ARHGAP25: variants seen among roughly 807,000 people sequenced by gnomAD.
ARHGAP25 encodes rho GTPase-activating protein 25.
A neutral mutation model predicts 71.0 loss-of-function variants in ARHGAP25; 34 were observed. That is an observed-to-expected ratio of 0.48 (90% confidence interval 0.36 to 0.64). ARHGAP25 has a LOEUF of 0.64. Among genes scored for constraint, ARHGAP25 ranks in the 30% least tolerant of loss-of-function variants. The probability of loss-of-function intolerance (pLI) is 0.00; values close to 1 mark genes in which losing one functional copy is unlikely to be tolerated. For missense variants in ARHGAP25, 706 were observed against 805.1 expected (o/e 0.88, Z 1.49); for synonymous variants, 282 against 296.5 (o/e 0.95, Z 0.50).
At chr2:68,748,770 T>C (rs4854507) in intron 1 of ARHGAP25, among the ~76,000 whole-genome samples, 108,512 of 152,098 alleles carry the variant, frequency 0.71, 38,863 homozygotes, top group South Asian at 0.77. Flanking sequence ...TGACTGAGCA[T>C]TTAGCTATCC....
At chr2:68,738,315 C>G (rs1675323538) in intron 1 of ARHGAP25, among the ~76,000 whole-genome samples, 1 of 152,120 alleles carries the variant, frequency 6.6e-6, no homozygotes, top group African/African-American at 2.4e-5. Context: ...ACATGGCTTC[C>G]CAATGACCAG....
Position 68,811,171 on chromosome 2 carries a change from G to A in ARHGAP25, c.675-2116G>A, listed in dbSNP as rs1333821709. ...AGAGTGGGCAGAGTATAGAATGCTG[G>A]AGGCATAGGGTAGTGAAAGGAGGGG... On this transcript the variant is annotated intron_variant, in intron 5 of 10. Coordinates refer to ENST00000409202, the MANE Select transcript of ARHGAP25 (RefSeq NM_001007231.3). 8.5e-5 allele frequency among the ~76,000 whole-genome samples: 13 copies of A among 152,170 alleles called. 1 individual carries two copies. The highest frequency in any genetic ancestry group is 8.5e-4 in the Admixed American group (13 of 15,286).
intron 1 of ARHGAP25, among the ~76,000 whole-genome samples, chr2:68,765,360 TAA>T (rs71397305): frequency 1.4e-5 from 2 of 145,184 alleles, no homozygotes; most frequent in Non-Finnish European, 3.0e-5. Flanking sequence ...AGTTGACATG[TAA>T]AAAAAAAAAA....
chr2:68,820,015 A>G (rs2103707802), intron 9 of ARHGAP25, among the ~76,000 whole-genome samples: 1 of 152,328 alleles, frequency 6.6e-6, no homozygotes, highest in African/African-American at 2.4e-5. Flanking sequence ...TTTCTAGTTG[A>G]CCAGATGATT....
At position 68,819,152 on chromosome 2, in the gene ARHGAP25, A is replaced by G. The variant is rs78992846; in HGVS notation, c.1033A>G (p.Met345Val). The G allele has an allele frequency of 6.3e-6, 10 of 1,584,514 alleles. No individual in the cohort carries two copies. Among genetic ancestry groups the G allele is most frequent in the East Asian group, 2.2e-5 (1 of 44,576 alleles). ...TCCTCAGATCCAAAGAGTGATGACTATGATGATCAGAGACCATGAAGTCCT... is the reference window on the plus strand; with the variant it reads ...TCCTCAGATCCAAAGAGTGATGACTGTGATGATCAGAGACCATGAAGTCCT... Reference protein sequence around the residue: ...GTPQIQRVMTMMIRDHEVLFP... With the variant: ...GTPQIQRVMTVMIRDHEVLFP... The change falls in exon 9 of 11, where the codon ATG becomes GTG. Residue 345 changes from methionine to valine, a missense_variant. Met to Val is a conservative substitution (Grantham distance 21). Coordinates refer to ENST00000409202, the MANE Select transcript of ARHGAP25 (RefSeq NM_001007231.3).
At chr2:68,760,239 C>T (rs1343112582) in intron 1 of ARHGAP25, among the ~76,000 whole-genome samples, 2 of 151,950 alleles carry the variant, frequency 1.3e-5, no homozygotes, top group African/African-American at 4.8e-5. Flanking sequence ...TCATACTCAA[C>T]GTTGAAAGAC....
At chr2:68,732,425 A>G (rs1325778467), upstream of ARHGAP25, among the ~76,000 whole-genome samples, 2 of 152,188 alleles carry the variant, frequency 1.3e-5, no homozygotes, top group East Asian at 3.8e-4. Context: ...CCCCGTGGAG[A>G]TGCTGCTGGG....
At chr2:68,739,026 T>C (rs1009655163) in intron 1 of ARHGAP25, among the ~76,000 whole-genome samples, 2 of 152,188 alleles carry the variant, frequency 1.3e-5, no homozygotes, top group African/African-American at 4.8e-5. Flanking sequence ...AAGTGCATGC[T>C]TCCTGTTGCC....
In ARHGAP25 at chr2:68,807,381, G is replaced by A. The variant is rs867848249; in HGVS notation, c.575G>A (p.Gly192Asp). 6.2e-7 allele frequency: 1 copy of A among 1,614,224 alleles called. No individual in the cohort carries two copies. The highest frequency in any genetic ancestry group is 8.5e-7 in the Non-Finnish European group (1 of 1,180,040). Residue 192 changes from glycine to aspartate, a missense_variant, in exon 5 of 11, where the codon GGC (glycine) becomes GAC (aspartate). Physicochemically the swap from Gly to Asp is moderately conservative, Grantham distance 94. Coordinates refer to ENST00000409202, the MANE Select transcript of ARHGAP25 (RefSeq NM_001007231.3). ...EKCAEFILEH[G>D]RNEEGIFRLP... is the part of the protein sequence containing the mutation. ...TGTGCAGAGTTCATCCTGGAGCACG[G>A]CCGGAATGAAGAGGGCATCTTCCGT...
At position 68,819,393 on chromosome 2, in the gene ARHGAP25, C is replaced by G. The variant is rs1397032734; in HGVS notation, c.1200+74C>G. 5 of 1,533,344 alleles carry G rather than the reference C, an allele frequency of 3.3e-6. No homozygotes were observed. The East Asian group carries it at 9.0e-5, about 28-fold the overall frequency. The allele number at this position is 1,533,344 out of a possible 1,614,324, so 95.0% of individuals were successfully genotyped here. On this transcript the variant is annotated intron_variant, in intron 9 of 10. Coordinates refer to ENST00000409202, the MANE Select transcript of ARHGAP25 (RefSeq NM_001007231.3). ...CAGGCCATCCCATGTAAGGCCTGCT[C>G]TCGGGTGGCAATTTGGGGAGTTTTA...
At chr2:68,744,958 A>G (rs1392516428) in intron 1 of ARHGAP25, among the ~76,000 whole-genome samples, 1 of 152,220 alleles carries the variant, frequency 6.6e-6, no homozygotes, top group East Asian at 1.9e-4. Flanking sequence ...CTTCACAGAT[A>G]AAAAATAAGA....
intron 2 of ARHGAP25, among the ~76,000 whole-genome samples, chr2:68,725,754 C>A (rs1482526374): frequency 1.3e-5 from 2 of 152,182 alleles, no homozygotes; most frequent in African/African-American, 4.8e-5. Flanking sequence ...CCTTGTTGAC[C>A]CATCTCTTGT....
At chr2:68,746,709 C>A (rs1039878644) in intron 1 of ARHGAP25, among the ~76,000 whole-genome samples, 4 of 145,852 alleles carry the variant, frequency 2.7e-5, no homozygotes, top group Non-Finnish European at 4.5e-5. Context: ...GACCACCCCC[C>A]TCCCCATCCC....
chr2:68,716,349 G>C (rs537337496), intron 2 of ARHGAP25, among the ~76,000 whole-genome samples: 1 of 152,346 alleles, frequency 6.6e-6, no homozygotes, highest in Non-Finnish European at 1.5e-5. Flanking sequence ...TGCCCAGCAA[G>C]ATTCCCTCTG....
At chr2:68,774,483 T>C (rs999560878) in intron 1 of ARHGAP25, among the ~76,000 whole-genome samples, 4 of 152,374 alleles carry the variant, frequency 2.6e-5, no homozygotes, top group South Asian at 2.1e-4. Flanking sequence ...TGAGTTCTAT[T>C]GGCAGTGACG....
chr2:68,813,022 A>T (rs957629463), intron 5 of ARHGAP25, among the ~76,000 whole-genome samples: 23 of 152,308 alleles, frequency 1.5e-4, no homozygotes, highest in African/African-American at 5.5e-4. Flanking sequence ...TCATTAAGGA[A>T]CGTTTAGTAA....
chr2:68,823,950 A>T (rs771839080), intron 10 of ARHGAP25, among the ~76,000 whole-genome samples: 2 of 152,192 alleles, frequency 1.3e-5, no homozygotes, highest in African/African-American at 2.4e-5. Flanking sequence ...AGCTGTTCCC[A>T]TATCAGCACT....
intron 1 of ARHGAP25, among the ~76,000 whole-genome samples, chr2:68,752,400 C>T (rs1294205895): frequency 6.6e-6 from 1 of 151,792 alleles, no homozygotes; most frequent in Non-Finnish European, 1.5e-5. Flanking sequence ...CCCTGGGGCC[C>T]ACAACCTTTT....
intron 2 of ARHGAP25, among the ~76,000 whole-genome samples, chr2:68,776,461 G>T (rs1202488074): frequency 6.6e-6 from 1 of 152,210 alleles, no homozygotes; most frequent in Non-Finnish European, 1.5e-5. Flanking sequence ...ATGTTTAGGG[G>T]CTCAGTAGGA....
Sources: gnomAD v4.1 joint callset for allele counts (sites outside exome capture counted in the v4.1 genomes callset) on GRCh38, gnomAD v4.1.1 for gene constraint, MANE v1.5 for transcripts, NCBI Gene and HGNC (gene_info 2026-07-23, HGNC 2026-07-21) for gene names.